Variants in SCNN1G observed in about 807,000 individuals in gnomAD.
SCNN1G encodes the protein sodium channel epithelial 1 subunit gamma.
SCNN1G carries 27 observed loss-of-function variants against 64.6 expected under a neutral mutation model. The ratio of observed to expected loss-of-function variants is 0.42; its 90% confidence interval spans 0.31 to 0.58. The LOEUF (loss-of-function observed/expected upper bound fraction) is 0.58. Among genes scored for constraint, SCNN1G ranks in the 20% least tolerant of loss-of-function variants. The pLI is 0.18. For synonymous variants in SCNN1G, 330 were observed against 314.2 expected (o/e 1.05, Z -0.53); for missense variants, 743 against 823.4 (o/e 0.90, Z 1.19).
At chr16:23,212,299 T>TG in intron 8 of SCNN1G, 148 bp downstream of exon 8, 1 of 709,202 alleles carries the variant, frequency 1.4e-6, no homozygotes, top group East Asian at 2.7e-5. Flanking sequence ...TTACTTCTGT[T>TG]GTCAAGCCTG....
chr16:23,186,353 C>A lies in SCNN1G; in HGVS notation c.82C>A (p.Leu28Met). 2 of 1,614,248 alleles carry A rather than the reference C, an allele frequency of 1.2e-6. No individual in the cohort carries two copies. Among genetic ancestry groups the A allele is most frequent in the South Asian group, 2.2e-5 (2 of 91,092 alleles). ...TGPQAPTIKELMRWYCLNTNT... is the reference protein window; with the variant it reads ...TGPQAPTIKEMMRWYCLNTNT... ...CCCTCAGGCGCCGACCATTAAAGAG[C>A]TGATGCGGTGGTACTGCCTCAACAC... Residue 28 changes from leucine to methionine, a missense_variant, in exon 2 of 13, where the codon CTG (leucine) becomes ATG (methionine). By Grantham distance (15) the Leu-to-Met change is conservative. Coordinates refer to ENST00000300061, the MANE Select transcript of SCNN1G (RefSeq NM_001039.4).
chr16:23,186,338 C>G lies in SCNN1G; in HGVS notation c.67C>G (p.Pro23Ala). The G allele has an allele frequency of 4.3e-6, 7 of 1,614,266 alleles. No individual in the cohort carries two copies. Among genetic ancestry groups the G allele is most frequent in the Non-Finnish European group, 5.9e-6 (7 of 1,180,054 alleles). The change falls in exon 2 of 13, where the codon CCG (proline) becomes GCG (alanine). Residue 23 changes from proline to alanine, a missense_variant. Transcript: ENST00000300061. The stretch of plus-strand genomic sequence containing the variant: ...TCTGCCCGTGACGGGCCCTCAGGCG[C>G]CGACCATTAAAGAGCTGATGCGGTG... The part of the protein sequence containing the change: ...KNLPVTGPQA[P>A]TIKELMRWYC...
intron 3 of SCNN1G, among the ~76,000 whole-genome samples, chr16:23,189,993 C>G (rs1165757721): frequency 6.6e-6 from 1 of 151,994 alleles, no homozygotes; most frequent in Admixed American, 6.6e-5. Flanking sequence ...TTGCTTGAAC[C>G]CGGGAGGTGG....
chr16:23,213,004 C>A, intron 10 of SCNN1G, 98 bp from the exon 11 acceptor site: 2 of 1,524,866 alleles, frequency 1.3e-6, no homozygotes, highest in Non-Finnish European at 1.8e-6. Context: ...AAAGAATTAC[C>A]TTGTGGAGGC....
At position 23,189,377 on chromosome 16, in the gene SCNN1G, C is replaced by A. The variant is rs1384592582; in HGVS notation, c.324C>A (p.Ser108Arg). The A allele has an allele frequency of 6.2e-7, 1 of 1,613,430 alleles. No homozygotes were observed. The change falls in exon 3 of 13, where the codon AGC becomes AGA. Residue 108 changes from serine (S) to arginine (R), a missense_variant. Transcript: ENST00000300061. ...TICNINPYKY[S>R]TVRHLLADLE... ...TTCCTCCCCACCTTGGCAGGTACAGCACCGTTCGCCACCTTCTAGCTGACT... is the reference window on the plus strand; with the variant it reads ...TTCCTCCCCACCTTGGCAGGTACAGAACCGTTCGCCACCTTCTAGCTGACT...
chr16:23,214,930 A>C, intron 12 of SCNN1G, 143 bp downstream of exon 12: 2 of 1,100,514 alleles, frequency 1.8e-6, no homozygotes, highest in Non-Finnish European at 2.7e-6. Flanking sequence ...TCAGGTCGGA[A>C]TGCACAGAGT....
chr16:23,197,150 T>TG, intron 5 of SCNN1G, 114 bp from the exon 6 acceptor site: 2 of 845,980 alleles, frequency 2.4e-6, no homozygotes, highest in Non-Finnish European at 3.9e-6. Flanking sequence ...ACCTGTCACT[T>TG]GCTAGAAATA....
chr16:23,186,987 G>C (rs1327654307), intron 2 of SCNN1G, among the ~76,000 whole-genome samples: 1 of 151,924 alleles, frequency 6.6e-6, no homozygotes, highest in Non-Finnish European at 1.5e-5. Context: ...TTTTAGTAGA[G>C]ACAGGATTTC....
rs2141940384 is a variant in SCNN1G at position 23,205,156 on chromosome 16, G to A, written c.1078-4594G>A. 2.0e-5 allele frequency among the ~76,000 whole-genome samples: 3 copies of A among 152,236 alleles called. 1 individual carries two copies. The highest frequency in any genetic ancestry group is 4.2e-4 in the South Asian group (2 of 4,814). On this transcript the variant is annotated intron_variant, in intron 6 of 12. Transcript: ENST00000300061. ...ATCAAAATCAAATAGCCACTAGGTA[G>A]CACAGTGGGAATCTGATTTCAGACT...
chr16:23,213,113 G>C lies in SCNN1G; in HGVS notation c.1443G>C (p.Leu481=), dbSNP rs1369213217. The C allele has an allele frequency of 1.9e-6, 3 of 1,613,734 alleles. No individual in the cohort carries two copies. The African/African-American group carries it at 4.0e-5, about 22-fold the overall frequency. ...WPSVVSEKWL[L]PVLTWDQGRQ... ...TCTCTCCGTTGTAGAAGTGGTTGCT[G>C]CCTGTTCTCACTTGGGACCAAGGCC... Residue 481 remains leucine (L), a synonymous_variant, in exon 11 of 13, where the codon CTG becomes CTC. Transcript: ENST00000300061.
At position 23,216,797 on chromosome 16, in the gene SCNN1G, A is replaced by G. The variant is rs1213409263; in HGVS notation, c.*1328A>G. On this transcript the variant is annotated 3_prime_UTR_variant, in exon 13 of 13. Transcript: ENST00000300061. Reference sequence around the variant, plus strand: ...TTTTTATTTTTGCTTTTAAATAGCAAAAGAAGAAGATTCTGTGACTCATGA... The same window carrying G: ...TTTTTATTTTTGCTTTTAAATAGCAGAAGAAGAAGATTCTGTGACTCATGA... The G allele has an allele frequency of 6.6e-6, 1 of 152,166 alleles. No individual in the cohort carries two copies. Among genetic ancestry groups the G allele is most frequent in the African/African-American group, 2.4e-5 (1 of 41,426 alleles). 9.4% of individuals were successfully genotyped at this position (152,166 alleles called of 1,614,324 possible).
At chr16:23,214,878 T>C (rs1479955587) in intron 12 of SCNN1G, 91 bp downstream of exon 12, 1 of 1,215,126 alleles carries the variant, frequency 8.2e-7, no homozygotes, top group Non-Finnish European at 1.2e-6. Flanking sequence ...GGGTAGGGGG[T>C]TCCAGCCTAC....
intron 6 of SCNN1G, among the ~76,000 whole-genome samples, chr16:23,209,520 A>G (rs1033035294): frequency 6.6e-6 from 1 of 152,182 alleles, no homozygotes; most frequent in African/African-American, 2.4e-5. Context: ...ACTGGAAGGT[A>G]CGTTCCAGGA....
intron 6 of SCNN1G, among the ~76,000 whole-genome samples, chr16:23,203,231 C>T (rs1959921068): frequency 6.6e-6 from 1 of 152,070 alleles, no homozygotes; most frequent in African/African-American, 2.4e-5. Context: ...CAAGAGGTCA[C>T]CAGTGTTCTA....
chr16:23,192,857 C>T (rs893204522), intron 4 of SCNN1G, among the ~76,000 whole-genome samples: 12 of 151,856 alleles, frequency 7.9e-5, no homozygotes, highest in Admixed American at 7.2e-4. Flanking sequence ...TCACTTGAGG[C>T]TAGGAGTTCA....
chr16:23,190,269 G>A (rs1343240319), intron 3 of SCNN1G, among the ~76,000 whole-genome samples: 1 of 151,326 alleles, frequency 6.6e-6, no homozygotes, highest in Non-Finnish European at 1.5e-5. Context: ...AAAAAAGAAA[G>A]AAAGAGAGAA....
chr16:23,199,368 G>T (rs530064063), intron 6 of SCNN1G, among the ~76,000 whole-genome samples: 1 of 152,166 alleles, frequency 6.6e-6, no homozygotes, highest in Non-Finnish European at 1.5e-5. Flanking sequence ...ACCCCCCATT[G>T]ATAGACATTA....
intron 6 of SCNN1G, among the ~76,000 whole-genome samples, chr16:23,198,164 A>C (rs994187171): frequency 6.6e-6 from 1 of 152,154 alleles, no homozygotes; most frequent in Admixed American, 6.5e-5. Context: ...TACCTCATTT[A>C]CCAAGAACCC....
At chr16:23,212,307 C>G (rs781607791) in intron 8 of SCNN1G, among the ~76,000 whole-genome samples, 156 bp downstream of exon 8, 39 of 152,210 alleles carry the variant, frequency 2.6e-4, no homozygotes, top group Non-Finnish European at 5.0e-4. Context: ...GTTGTCAAGC[C>G]TGGCTTAAAT....
Sources: allele counts gnomAD v4.1 joint callset (sites outside exome capture counted in the v4.1 genomes callset), GRCh38; gene constraint gnomAD v4.1.1; transcripts MANE v1.5; gene names NCBI Gene and HGNC (gene_info 2026-07-23, HGNC 2026-07-21).